LHCGR: variants seen among roughly 807,000 people sequenced by gnomAD.
LHCGR encodes the protein luteinizing hormone/choriogonadotropin receptor, also known as lutropin-choriogonadotropic hormone receptor.
Under a neutral mutation model 60.7 loss-of-function variants are expected in LHCGR, and 55 were observed. The observed-to-expected ratio is 0.91, with a 90% confidence interval of 0.73 to 1.13. The LOEUF (loss-of-function observed/expected upper bound fraction) is 1.13. Ranked by LOEUF, LHCGR falls within the 50% of genes most tolerant of loss-of-function variation. LHCGR has a pLI of 0.00. For synonymous variants in LHCGR, 337 were observed against 316.5 expected (o/e 1.06, Z -0.69); for missense variants, 862 against 836.0 (o/e 1.03, Z -0.38).
At chr2:48,708,780 G>A (rs1667829518) in intron 8 of LHCGR, 168 bp downstream of exon 8, 2 of 706,618 alleles carry the variant, frequency 2.8e-6, no homozygotes, top group Admixed American at 4.0e-5. Flanking sequence ...TCGGTTTGGG[G>A]TACTTTATTA....
rs1240264110 is a variant in LHCGR at position 48,698,709 on chromosome 2, T to G, written c.772A>C (p.Lys258Gln). The G allele has an allele frequency of 6.2e-7, 1 of 1,614,056 alleles. No individual in the cohort carries two copies. Among genetic ancestry groups the G allele is most frequent in the African/African-American group, 1.3e-5 (1 of 74,926 alleles). Residue 258 changes from lysine to glutamine, a missense_variant, in exon 9 of 11, where the codon AAA (lysine) becomes CAA (glutamine). Lys to Gln is a moderately conservative substitution (Grantham distance 53). Coordinates refer to ENST00000294954, the MANE Select transcript of LHCGR (RefSeq NM_000233.4). ...LIATSSYSLKKLPSRETFVNL... is the reference protein window; with the variant it reads ...LIATSSYSLKQLPSRETFVNL... ...ACAAATGTTTCTCTTGATGGCAATT[T>G]TTTTAGAGAATAGGATGACGTGGCA...
chr2:48,722,464 C>A (rs1668541745), intron 6 of LHCGR, among the ~76,000 whole-genome samples: 1 of 152,100 alleles, frequency 6.6e-6, no homozygotes, highest in Non-Finnish European at 1.5e-5. Context: ...GGAGGTGGGG[C>A]CTGGTGGGAG....
At chr2:48,748,172 T>A (rs1669796003) in intron 1 of LHCGR, among the ~76,000 whole-genome samples, 1 of 152,172 alleles carries the variant, frequency 6.6e-6, no homozygotes, top group Admixed American at 6.5e-5. Flanking sequence ...TTCCCTGTAG[T>A]CATTTGAGAA....
At chr2:48,691,767 A>T (rs1201264114) in intron 10 of LHCGR, among the ~76,000 whole-genome samples, 1 of 148,318 alleles carries the variant, frequency 6.7e-6, no homozygotes, top group Non-Finnish European at 1.5e-5. Context: ...AATCGCTTGA[A>T]CTCGGGAGGT....
At chr2:48,715,837 A>G (rs1362026474) in intron 6 of LHCGR, among the ~76,000 whole-genome samples, 1 of 152,204 alleles carries the variant, frequency 6.6e-6, no homozygotes, top group Admixed American at 6.5e-5. Context: ...ATAATTCTTA[A>G]GTCTCCTCGT....
At chr2:48,731,173 A>G (rs762840743) in intron 2 of LHCGR, 54 bp downstream of exon 2, 23 of 1,276,298 alleles carry the variant, frequency 1.8e-5, no homozygotes, top group Non-Finnish European at 2.5e-5. Flanking sequence ...TTCTCTTAGA[A>G]AAAATTCATT....
chr2:48,746,281 G>C (rs1669702431), intron 1 of LHCGR, among the ~76,000 whole-genome samples: 1 of 152,130 alleles, frequency 6.6e-6, no homozygotes, highest in Non-Finnish European at 1.5e-5. Context: ...TAAGTCTATA[G>C]CATGCCTATG....
chr2:48,716,584 A>C (rs1668260144), intron 6 of LHCGR, among the ~76,000 whole-genome samples: 1 of 152,160 alleles, frequency 6.6e-6, no homozygotes, highest in East Asian at 1.9e-4. Context: ...TTCCCCTTCT[A>C]TATTGTGGAA....
At chr2:48,704,444 G>A (rs1402660930) in intron 8 of LHCGR, among the ~76,000 whole-genome samples, 1 of 152,150 alleles carries the variant, frequency 6.6e-6, no homozygotes, top group Non-Finnish European at 1.5e-5. Context: ...CTATTGATTG[G>A]AATAGTTTCA....
chr2:48,738,189 C>A (rs183448625), intron 1 of LHCGR, among the ~76,000 whole-genome samples: 1 of 152,184 alleles, frequency 6.6e-6, no homozygotes, highest in African/African-American at 2.4e-5. Flanking sequence ...AATGTTTTTT[C>A]TCTTCCTCTA....
chr2:48,710,581 C>A (rs896120127), intron 7 of LHCGR, among the ~76,000 whole-genome samples: 1 of 152,196 alleles, frequency 6.6e-6, no homozygotes, highest in East Asian at 1.9e-4. Flanking sequence ...ATGATGTGAC[C>A]TTGCGGTGTG....
intron 8 of LHCGR, 55 bp downstream of exon 8, chr2:48,708,893 G>A: frequency 7.6e-7 from 1 of 1,316,650 alleles, no homozygotes; most frequent in South Asian, 1.2e-5. Flanking sequence ...GACACCCTAA[G>A]CAGTCCTGTT....
chr2:48,709,885 A>C (rs1489923393), intron 7 of LHCGR, among the ~76,000 whole-genome samples: 3 of 152,134 alleles, frequency 2.0e-5, no homozygotes, highest in Admixed American at 1.3e-4. Flanking sequence ...CCCTGGGCTC[A>C]AGTCTGCCAG....
At chr2:48,736,013 G>A (rs560077986) in intron 1 of LHCGR, among the ~76,000 whole-genome samples, 2 of 152,080 alleles carry the variant, frequency 1.3e-5, no homozygotes, top group East Asian at 3.9e-4. Flanking sequence ...TCTTCCTCCT[G>A]CTCTGGCTAC....
intron 1 of LHCGR, among the ~76,000 whole-genome samples, chr2:48,749,597 G>T (rs904595817): frequency 3.9e-5 from 6 of 151,950 alleles, no homozygotes; most frequent in African/African-American, 1.5e-4. Context: ...TTTGGAAAGA[G>T]ACCTTTGTTG....
At chr2:48,726,657 A>C (rs1668742434) in intron 3 of LHCGR, among the ~76,000 whole-genome samples, 1 of 152,238 alleles carries the variant, frequency 6.6e-6, no homozygotes, top group Non-Finnish European at 1.5e-5. Flanking sequence ...TGTTCTATAG[A>C]GAGAATGTAG....
rs1208514895 is a variant in LHCGR, at chr2:48,687,058, GA to G, written c.*638del. The G allele has an allele frequency of 6.6e-6, 1 of 152,190 alleles. No individual in the cohort carries two copies. Among genetic ancestry groups the G allele is most frequent in the Non-Finnish European group, 1.5e-5 (1 of 68,062 alleles). The allele number at this position is 152,190 out of a possible 1,614,324, so 9.4% of individuals were successfully genotyped here. On this transcript the variant is annotated 3_prime_UTR_variant, in exon 11 of 11. Transcript: ENST00000294954. ...TTAAATTATAAATAAGTAGAATCCA[GA>G]TAGGGCATAGATAAAAGTCTCTATA... is the stretch of plus-strand genomic sequence containing the variant.
chr2:48,735,225 A>C (rs1388126369), intron 1 of LHCGR, among the ~76,000 whole-genome samples: 1 of 152,202 alleles, frequency 6.6e-6, no homozygotes, highest in Admixed American at 6.5e-5. Context: ...GTTGAAATCG[A>C]AACAGTCTGT....
chr2:48,696,884 A>G (rs1055842083), intron 9 of LHCGR, among the ~76,000 whole-genome samples: 1 of 152,220 alleles, frequency 6.6e-6, no homozygotes, highest in Non-Finnish European at 1.5e-5. Context: ...GGGTATCCAG[A>G]ATCAGCTCTA....
Sources: gnomAD v4.1 joint callset for allele counts (sites outside exome capture counted in the v4.1 genomes callset) on GRCh38, gnomAD v4.1.1 for gene constraint, MANE v1.5 for transcripts, NCBI Gene and HGNC (gene_info 2026-07-23, HGNC 2026-07-21) for gene names.